PTPRM: variants seen among roughly 807,000 people sequenced by gnomAD.
PTPRM encodes receptor-type tyrosine-protein phosphatase mu.
In PTPRM, 47 loss-of-function variants were observed where a neutral mutation model predicts 186.7. The ratio of observed to expected loss-of-function variants is 0.25; its 90% confidence interval spans 0.20 to 0.32. The LOEUF (loss-of-function observed/expected upper bound fraction) is 0.32. PTPRM is among the 10% of genes least tolerant of loss of function. The probability of loss-of-function intolerance (pLI) is 1.00; values close to 1 mark genes in which losing one functional copy is unlikely to be tolerated. For missense variants in PTPRM, 1,494 were observed against 1,865.0 expected (o/e 0.80, Z 3.66); for synonymous variants, 668 against 674.9 (o/e 0.99, Z 0.16).
At chr18:8,054,429 GT>G (rs918385841) in intron 7 of PTPRM, among the ~76,000 whole-genome samples, 2 of 146,312 alleles carry the variant, frequency 1.4e-5, no homozygotes, top group Non-Finnish European at 3.0e-5. Flanking sequence ...CTTTTCTTTT[GT>G]TTTTTTCCCA....
At chr18:8,129,490 G>A (rs1421943590) in intron 13 of PTPRM, among the ~76,000 whole-genome samples, 2 of 151,038 alleles carry the variant, frequency 1.3e-5, no homozygotes, top group African/African-American at 4.8e-5. Flanking sequence ...AAAGTATAAG[G>A]AATCAATATT....
chr18:7,691,830 GCGGCTGAGGTGGGAGGA>G (rs1224331548), intron 1 of PTPRM, among the ~76,000 whole-genome samples: 6 of 152,352 alleles, frequency 3.9e-5, no homozygotes, highest in East Asian at 1.9e-4. Flanking sequence ...AGCTACTCAG[GCGGCTGAGGTGGGAGGA>G]TGGCTAGATC....
intron 2 of PTPRM, among the ~76,000 whole-genome samples, chr18:7,852,351 A>G (rs1279968616): frequency 6.6e-6 from 1 of 152,092 alleles, no homozygotes; most frequent in Non-Finnish European, 1.5e-5. Context: ...CCGAGGTGGG[A>G]GGATCGCTAG....
chr18:7,622,830 C>G (rs1223576425), intron 1 of PTPRM, among the ~76,000 whole-genome samples: 3 of 152,080 alleles, frequency 2.0e-5, no homozygotes, highest in Admixed American at 1.3e-4. Context: ...TGAAATACTT[C>G]ACTAGGCCCA....
At chr18:8,352,965 C>T (rs906109760) in intron 23 of PTPRM, among the ~76,000 whole-genome samples, 30 of 152,262 alleles carry the variant, frequency 2.0e-4, no homozygotes, top group African/African-American at 4.3e-4. Context: ...CCACCCCACC[C>T]GGCCCGATTT....
chr18:8,357,345 A>T (rs575426380), intron 23 of PTPRM, among the ~76,000 whole-genome samples: 1 of 152,354 alleles, frequency 6.6e-6, no homozygotes, highest in Admixed American at 6.5e-5. Context: ...TTTTGAAAAT[A>T]ATCTAATCTG....
At chr18:7,578,127 C>T (rs1440910228) in intron 1 of PTPRM, among the ~76,000 whole-genome samples, 5 of 151,850 alleles carry the variant, frequency 3.3e-5, no homozygotes, top group Non-Finnish European at 7.4e-5. Context: ...TTTTAAAATA[C>T]CCTGCAGGAT....
chr18:8,095,460 G>C (rs1215981640), intron 11 of PTPRM, among the ~76,000 whole-genome samples: 1 of 152,122 alleles, frequency 6.6e-6, no homozygotes, highest in African/African-American at 2.4e-5. Context: ...TAATCAGAGA[G>C]AGGGGTGGGA....
At chr18:7,899,726 T>C (rs2049557469) in intron 3 of PTPRM, among the ~76,000 whole-genome samples, 1 of 152,230 alleles carries the variant, frequency 6.6e-6, no homozygotes, top group East Asian at 1.9e-4. Flanking sequence ...TTACTAATTC[T>C]CAGTAGTTTA....
chr18:8,168,584 T>A lies in PTPRM; in HGVS notation c.2300+24805T>A, dbSNP rs556276979. Reference sequence around the variant, plus strand: ...AAATAAGTTAGTTCCATATTCACTTTTCTTAAAATAACTGTTTTCTAAAGT... The same window carrying A: ...AAATAAGTTAGTTCCATATTCACTTATCTTAAAATAACTGTTTTCTAAAGT... On this transcript the variant is annotated intron_variant, in intron 14 of 32. Coordinates refer to ENST00000580170, the MANE Select transcript of PTPRM (RefSeq NM_001105244.2). Among the ~76,000 whole-genome samples, 5 of 152,350 alleles carry A rather than the reference T, an allele frequency of 3.3e-5. No individual in the cohort carries two copies. In the South Asian group the frequency reaches 1.0e-3, roughly 32 times the overall value.
intron 7 of PTPRM, among the ~76,000 whole-genome samples, chr18:7,994,265 AACACACACACACAC>A (rs71165762): frequency 3.4e-5 from 5 of 149,014 alleles, no homozygotes; most frequent in Admixed American, 2.7e-4. Flanking sequence ...GGATATAAAT[AACACACACACACAC>A]ACACACACAC....
intron 14 of PTPRM, among the ~76,000 whole-genome samples, chr18:8,167,623 T>C (rs2093341926): frequency 6.6e-6 from 1 of 152,234 alleles, no homozygotes; most frequent in Non-Finnish European, 1.5e-5. Flanking sequence ...GAGGAGTCAC[T>C]TGCTTGTGTT....
At chr18:7,640,138 T>C (rs1385989179) in intron 1 of PTPRM, among the ~76,000 whole-genome samples, 1 of 152,166 alleles carries the variant, frequency 6.6e-6, no homozygotes, top group Non-Finnish European at 1.5e-5. Context: ...ATACTTAAAA[T>C]GAATTTCCTA....
At chr18:7,842,910 A>ATGTGTGTGTGTGTG (rs1285423674) in intron 2 of PTPRM, among the ~76,000 whole-genome samples, 8 of 107,024 alleles carry the variant, frequency 7.5e-5, no homozygotes, top group African/African-American at 3.7e-4. Context: ...TGTTTCTCAT[A>ATGTGTGTGTGTGTG]TGTGTGTGTG....
chr18:7,841,875 A>C (rs1408472218), intron 2 of PTPRM, among the ~76,000 whole-genome samples: 1 of 152,170 alleles, frequency 6.6e-6, no homozygotes, highest in Non-Finnish European at 1.5e-5. Context: ...AGAACAAAAC[A>C]ACCTACTTAT....
chr18:7,634,840 T>C (rs1192926721), intron 1 of PTPRM, among the ~76,000 whole-genome samples: 1 of 152,228 alleles, frequency 6.6e-6, no homozygotes, highest in Non-Finnish European at 1.5e-5. Flanking sequence ...AAAGCTTTTA[T>C]TATTTCCTCT....
chr18:8,293,848 G>A (rs1180173028), intron 19 of PTPRM, among the ~76,000 whole-genome samples: 2 of 152,160 alleles, frequency 1.3e-5, no homozygotes, highest in Non-Finnish European at 2.9e-5. Context: ...TTTAATGATA[G>A]TATTTGTATT....
At chr18:7,624,697 G>A (rs1435767609) in intron 1 of PTPRM, among the ~76,000 whole-genome samples, 1 of 152,170 alleles carries the variant, frequency 6.6e-6, no homozygotes, top group Admixed American at 6.6e-5. Context: ...GGCTGATCTT[G>A]AATTCCTGAG....
intron 1 of PTPRM, among the ~76,000 whole-genome samples, chr18:7,652,338 A>G (rs866929197): frequency 5.4e-4 from 82 of 152,262 alleles, no homozygotes; most frequent in African/African-American, 1.9e-3. Flanking sequence ...TGTGGAAGTC[A>G]GTGTGGCGAT....
Sources: gnomAD v4.1 joint callset for allele counts (sites outside exome capture counted in the v4.1 genomes callset) on GRCh38, gnomAD v4.1.1 for gene constraint, MANE v1.5 for transcripts, NCBI Gene and HGNC (gene_info 2026-07-23, HGNC 2026-07-21) for gene names.